GPC5: variants seen among roughly 807,000 people sequenced by gnomAD.
GPC5 encodes the protein glypican 5.
In GPC5, 47 loss-of-function variants were observed where a neutral mutation model predicts 53.9. The ratio of observed to expected loss-of-function variants is 0.87; its 90% CI spans 0.69 to 1.11. The LOEUF (loss-of-function observed/expected upper bound fraction) is 1.11. Ranked by LOEUF, GPC5 falls within the 50% of genes most tolerant of loss-of-function variation. GPC5 has a pLI of 0.00. For missense variants in GPC5, 748 were observed against 713.1 expected, an observed-to-expected ratio of 1.05 and a Z score of -0.56; for synonymous variants, 286 against 263.3, an observed-to-expected ratio of 1.09 and a Z score of -0.84.
intron 7 of GPC5, among the ~76,000 whole-genome samples, chr13:92,800,256 C>T (rs901706385): frequency 1.3e-5 from 2 of 151,798 alleles, no homozygotes; most frequent in Admixed American, 6.6e-5. Flanking sequence ...TAATAAACTG[C>T]CTTCTGAGAT....
intron 7 of GPC5, among the ~76,000 whole-genome samples, chr13:92,163,338 G>C (rs575135044): frequency 2.6e-5 from 4 of 151,726 alleles, no homozygotes; most frequent in Non-Finnish European, 5.9e-5. Context: ...GTGCATGTCT[G>C]TAGTCCCAGC....
intron 2 of GPC5, among the ~76,000 whole-genome samples, chr13:91,493,820 G>T (rs908012260): frequency 6.6e-6 from 1 of 151,994 alleles, no homozygotes; most frequent in African/African-American, 2.4e-5. Context: ...AGGAGAATCT[G>T]CAAACGATTC....
intron 3 of GPC5, among the ~76,000 whole-genome samples, chr13:91,708,364 C>T (rs1278366535): frequency 6.6e-6 from 1 of 151,932 alleles, no homozygotes. Flanking sequence ...CTGATGCCAC[C>T]TCAGTCTAAT....
At chr13:91,891,358 C>G (rs537591515) in intron 5 of GPC5, among the ~76,000 whole-genome samples, 2 of 152,136 alleles carry the variant, frequency 1.3e-5, no homozygotes, top group Non-Finnish European at 2.9e-5. Context: ...TACTTACTCA[C>G]TGTAAGGCTG....
intron 7 of GPC5, among the ~76,000 whole-genome samples, chr13:92,727,827 A>G (rs1888686270): frequency 6.6e-6 from 1 of 151,148 alleles, no homozygotes; most frequent in Non-Finnish European, 1.5e-5. Context: ...ACCATCCTTT[A>G]TTCTGTCATT....
chr13:91,819,149 C>T (rs1464832408), intron 5 of GPC5, among the ~76,000 whole-genome samples: 5 of 115,308 alleles, frequency 4.3e-5, no homozygotes, highest in Non-Finnish European at 8.7e-5. Flanking sequence ...AAAAAATATG[C>T]GCTTTTTTTT....
chr13:92,051,347 G>A (rs543207122), intron 6 of GPC5, among the ~76,000 whole-genome samples: 8 of 151,802 alleles, frequency 5.3e-5, no homozygotes, highest in South Asian at 2.1e-4. Flanking sequence ...AACTACAGGC[G>A]CACACCACCA....
intron 5 of GPC5, among the ~76,000 whole-genome samples, chr13:91,892,143 A>T (rs1342248793): frequency 6.6e-6 from 1 of 152,008 alleles, no homozygotes; most frequent in African/African-American, 2.4e-5. Flanking sequence ...CACAACAAAA[A>T]ATATGACTGG....
chr13:91,480,822 T>A (rs1883258331), intron 2 of GPC5, among the ~76,000 whole-genome samples: 1 of 152,182 alleles, frequency 6.6e-6, no homozygotes, highest in African/African-American at 2.4e-5. Flanking sequence ...TTATTTTTCC[T>A]TGTTGGACAG....
At chr13:92,367,310 ATTTAAT>A (rs1315585761) in intron 7 of GPC5, among the ~76,000 whole-genome samples, 2 of 152,190 alleles carry the variant, frequency 1.3e-5, no homozygotes, top group African/African-American at 4.8e-5. Context: ...TGCAAACAAT[ATTTAAT>A]TTTAATAAGC....
chr13:92,697,147 G>A (rs1017878216), intron 7 of GPC5, among the ~76,000 whole-genome samples: 1 of 151,468 alleles, frequency 6.6e-6, no homozygotes, highest in South Asian at 2.1e-4. Context: ...CTCCAGCTTT[G>A]TTCTTTTTGC....
At chr13:92,577,178 C>T (rs1464274050) in intron 7 of GPC5, among the ~76,000 whole-genome samples, 1 of 152,100 alleles carries the variant, frequency 6.6e-6, no homozygotes, top group Non-Finnish European at 1.5e-5. Context: ...CCATGCTTCT[C>T]TGTTGAATTC....
intron 7 of GPC5, among the ~76,000 whole-genome samples, chr13:92,302,552 C>A (rs915050872): frequency 1.3e-5 from 2 of 151,878 alleles, no homozygotes; most frequent in African/African-American, 4.8e-5. Context: ...TTTGACTATT[C>A]CTTTATTTAG....
chr13:92,528,492 T>C (rs1881442115), intron 7 of GPC5, among the ~76,000 whole-genome samples: 1 of 151,998 alleles, frequency 6.6e-6, no homozygotes, highest in Non-Finnish European at 1.5e-5. Context: ...CAATTTATAT[T>C]AATGTCTAGT....
intron 7 of GPC5, among the ~76,000 whole-genome samples, chr13:92,362,544 G>A (rs1321971844): frequency 6.6e-6 from 1 of 151,692 alleles, no homozygotes; most frequent in Non-Finnish European, 1.5e-5. Flanking sequence ...ACCTGTCTCA[G>A]TTATAAGTGA....
chr13:91,757,233 T>A (rs2037315044), intron 5 of GPC5, among the ~76,000 whole-genome samples: 1 of 152,116 alleles, frequency 6.6e-6, no homozygotes, highest in Non-Finnish European at 1.5e-5. Context: ...TAATGAGGTT[T>A]TGTGTTTGGA....
chr13:92,415,165 C>T (rs545907787), intron 7 of GPC5, among the ~76,000 whole-genome samples: 11 of 152,128 alleles, frequency 7.2e-5, no homozygotes, highest in Non-Finnish European at 1.6e-4. Context: ...AAACTATGCT[C>T]TTTGACAACA....
At chr13:92,229,086 T>G (rs2042510602) in intron 7 of GPC5, among the ~76,000 whole-genome samples, 1 of 152,120 alleles carries the variant, frequency 6.6e-6, no homozygotes, top group African/African-American at 2.4e-5. Context: ...TACATAGTTG[T>G]GAAAATGTAA....
At chr13:91,939,535 A>T (rs1307873416) in intron 6 of GPC5, among the ~76,000 whole-genome samples, 2 of 152,188 alleles carry the variant, frequency 1.3e-5, no homozygotes, top group Non-Finnish European at 2.9e-5. Flanking sequence ...TTCTCTAAGT[A>T]GCTCTTGACT....
Sources: gnomAD v4.1 joint callset for allele counts (sites outside exome capture counted in the v4.1 genomes callset) on GRCh38, gnomAD v4.1.1 for gene constraint, MANE v1.5 for transcripts, NCBI Gene and HGNC (gene_info 2026-07-23, HGNC 2026-07-21) for gene names.